The following F5 variants were observed in gnomAD, a reference collection of about 807,000 sequenced individuals.
F5 encodes activated protein c cofactor.
In F5, 138 loss-of-function variants were observed where a neutral mutation model predicts 216.4. That is an observed-to-expected ratio of 0.64 (90% CI 0.56 to 0.73). The LOEUF (loss-of-function observed/expected upper bound fraction) is 0.73, where lower values mean the gene tolerates loss of function less well. F5 is among the 30% of genes least tolerant of loss of function. The pLI is 0.00. For missense variants in F5, 2,403 were observed against 2,674.0 expected (o/e 0.90, Z 2.24); for synonymous variants, 916 against 930.7 (o/e 0.98, Z 0.29).
In F5 at chr1:169,546,545, C is replaced by T. The variant is rs370739570; in HGVS notation, c.1659G>A (p.Glu553=). The T allele has an allele frequency of 1.7e-5, 28 of 1,614,038 alleles. No homozygotes were observed. The highest frequency in any genetic ancestry group is 2.3e-5 in the Non-Finnish European group (27 of 1,180,006). The change falls in exon 11 of 25, where the codon GAG becomes GAA. Residue 553 remains glutamate, a synonymous_variant. Coordinates refer to ENST00000367797, the MANE Select transcript of F5 (RefSeq NM_000130.5). ...EQQAVFAVFD[E]NKSWYLEDNI... ...TGTCCTCAAGGTACCAGCTTTTGTT[C>T]TCATCAAACACAGCAAACACAGCCT...
At chr1:169,554,050 C>A (rs1660249915) in intron 7 of F5, among the ~76,000 whole-genome samples, 1 of 94,258 alleles carries the variant, frequency 1.1e-5, no homozygotes, top group Non-Finnish European at 2.6e-5. Flanking sequence ...ATAATCTTGG[C>A]CAAATTTTTT....
chr1:169,544,723 T>G (rs1039581048), intron 11 of F5, among the ~76,000 whole-genome samples: 1 of 152,238 alleles, frequency 6.6e-6, no homozygotes, highest in African/African-American at 2.4e-5. Flanking sequence ...AGGAGAAATC[T>G]CAGGAAAAAG....
At chr1:169,550,067 TAATA>T (rs769040551) in intron 9 of F5, 52 bp from the exon 10 acceptor site, 96 of 1,353,804 alleles carry the variant, frequency 7.1e-5, no homozygotes, top group Middle Eastern at 2.5e-4. Context: ...TATTTCATGA[TAATA>T]AATAAATAAA....
At chr1:169,562,299 T>C (rs1287277261) in intron 3 of F5, among the ~76,000 whole-genome samples, 1 of 152,112 alleles carries the variant, frequency 6.6e-6, no homozygotes, top group Non-Finnish European at 1.5e-5. Context: ...CCCTTTTGTG[T>C]TGGATTAGTG....
intron 10 of F5, among the ~76,000 whole-genome samples, chr1:169,549,441 A>AC (rs942931767): frequency 6.6e-6 from 1 of 152,038 alleles, no homozygotes; most frequent in Admixed American, 6.6e-5. Context: ...ATCTCACTGA[A>AC]CCCCCAAACA....
chr1:169,557,465 A>G lies in F5; in HGVS notation c.731-598T>C, dbSNP rs577696609. On this transcript the variant is annotated intron_variant, in intron 5 of 24. Transcript: ENST00000367797. ...TTTTGATTGTTTTAATGACAAGTCAACGAAATCACTTTGGGGTTACACACT... is the reference window on the plus strand; with the variant it reads ...TTTTGATTGTTTTAATGACAAGTCAGCGAAATCACTTTGGGGTTACACACT... Among the ~76,000 whole-genome samples, 4 of 152,298 alleles carry G rather than the reference A, an allele frequency of 2.6e-5. No homozygotes were observed. The South Asian group carries it at 8.3e-4, about 32-fold the overall frequency.
intron 22 of F5, 121 bp downstream of exon 22, chr1:169,520,398 CA>C: frequency 7.9e-7 from 1 of 1,257,904 alleles, no homozygotes; most frequent in Non-Finnish European, 1.2e-6. Context: ...CTCTGTTTCA[CA>C]AAGGTTTTCC....
intron 2 of F5, among the ~76,000 whole-genome samples, chr1:169,578,223 G>A (rs1393350231): frequency 3.9e-5 from 6 of 152,150 alleles, no homozygotes; most frequent in African/African-American, 1.4e-4. Flanking sequence ...TAAAATGGAC[G>A]TCGAAACACC....
At chr1:169,528,212 G>C in intron 16 of F5, 118 bp from the exon 17 acceptor site, 1 of 1,279,448 alleles carries the variant, frequency 7.8e-7, no homozygotes, top group South Asian at 1.3e-5. Context: ...TGCATTCCCA[G>C]GCCTACCTAG....
At chr1:169,532,172 A>C (rs1031209906) in intron 14 of F5, among the ~76,000 whole-genome samples, 3 of 152,184 alleles carry the variant, frequency 2.0e-5, no homozygotes, top group Non-Finnish European at 4.4e-5. Flanking sequence ...AACCCTCAAC[A>C]AACTAGGCAT....
Position 169,524,908 on chromosome 1 carries a change from T to C in F5, c.5717A>G (p.Asp1906Gly). Residue 1906 changes from aspartate to glycine, a missense_variant and splice_region_variant, in exon 19 of 25, where the codon GAC becomes GGC. Asp to Gly is a moderately conservative substitution (Grantham distance 94, BLOSUM62 -1). Coordinates refer to ENST00000367797, the MANE Select transcript of F5 (RefSeq NM_000130.5). ...MQTPFLIMDR[D>G]CRMPMGLSTG... The stretch of plus-strand genomic sequence containing the variant: ...GCTTAGTCCCATTGGCATCCTACAG[T>C]CTATGAAAAACAGAAAAAAAATGAA... 1 of 1,612,182 alleles carries C rather than the reference T, an allele frequency of 6.2e-7. No homozygotes were observed. Among genetic ancestry groups the C allele is most frequent in the East Asian group, 2.2e-5 (1 of 44,840 alleles).
chr1:169,527,806 T>G, intron 17 of F5, 109 bp downstream of exon 17: 1 of 1,403,010 alleles, frequency 7.1e-7, no homozygotes, highest in Non-Finnish European at 9.8e-7. Flanking sequence ...GAACCCTGTG[T>G]TCTGACCCCT....
Position 169,542,574 on chromosome 1 carries a change from G to T in F5, c.2516C>A (p.Pro839His). Residue 839 changes from proline (P) to histidine (H), a missense_variant, in exon 13 of 25, where the codon CCT becomes CAT. This residue lies in a region of F5 where 1,425 missense variants were observed against 1,554.8 expected (regional missense o/e 0.92). Coordinates refer to ENST00000367797, the MANE Select transcript of F5 (RefSeq NM_000130.5). ...SPYSEDPIEDPLQPDVTGIRL... is the reference protein window; with the variant it reads ...SPYSEDPIEDHLQPDVTGIRL... Reference sequence around the variant, plus strand: ...TATCCCTGTGACATCTGGCTGTAGAGGATCCTCTATAGGGTCTTCAGAATA... The same window carrying T: ...TATCCCTGTGACATCTGGCTGTAGATGATCCTCTATAGGGTCTTCAGAATA... 1.2e-6 allele frequency: 2 copies of T among 1,614,044 alleles called. No homozygotes were observed. The highest frequency in any genetic ancestry group is 2.2e-5 in the South Asian group (2 of 91,080).
At chr1:169,528,972 C>T (rs893150266) in intron 16 of F5, among the ~76,000 whole-genome samples, 4 of 152,186 alleles carry the variant, frequency 2.6e-5, no homozygotes, top group African/African-American at 9.6e-5. Context: ...ATATTCATAA[C>T]ACAAGCTCGT....
intron 7 of F5, among the ~76,000 whole-genome samples, chr1:169,554,199 A>AT (rs1323434123): frequency 2.4e-5 from 2 of 84,774 alleles, no homozygotes; most frequent in Non-Finnish European, 6.0e-5. Flanking sequence ...GTAGCCATAT[A>AT]TTAATTTCAT....
rs903425620 is a variant in F5, at chr1:169,512,618, C to A, written c.*1695G>T. 3.9e-5 allele frequency among the ~76,000 whole-genome samples: 6 copies of A among 152,038 alleles called. No homozygotes were observed. The highest frequency in any genetic ancestry group is 7.2e-5 in the African/African-American group (3 of 41,414). ...CAAAGAAATGTTTTCCCCCACCTTC[C>A]AACATTCTCTTTTGCTCTTAACGGA... On this transcript the variant is annotated 3_prime_UTR_variant, in exon 25 of 25. Transcript: ENST00000367797.
At chr1:169,525,808 C>A in intron 18 of F5, 93 bp downstream of exon 18, 2 of 927,612 alleles carry the variant, frequency 2.2e-6, no homozygotes, top group Non-Finnish European at 3.6e-6. Flanking sequence ...CATCAGAGTT[C>A]TTAGAGTTGA....
intron 8 of F5, among the ~76,000 whole-genome samples, chr1:169,551,318 C>A (rs1178579623): frequency 2.6e-5 from 4 of 152,204 alleles, no homozygotes; most frequent in Admixed American, 2.6e-4. Flanking sequence ...GGCGTTGGGG[C>A]GTGTGCCTGT....
intron 14 of F5, among the ~76,000 whole-genome samples, chr1:169,533,410 TTAAAC>T (rs1004418725): frequency 2.6e-5 from 4 of 152,072 alleles, no homozygotes; most frequent in African/African-American, 7.2e-5. Flanking sequence ...AATTGACAAA[TTAAAC>T]TAAAGAGCTT....
Sources: allele counts gnomAD v4.1 joint callset (sites outside exome capture counted in the v4.1 genomes callset), GRCh38; gene constraint gnomAD v4.1.1; regional missense constraint gnomAD v4.1.1; transcripts MANE v1.5; gene names NCBI Gene and HGNC (gene_info 2026-07-23, HGNC 2026-07-21).